The following DACH2 variants were observed in gnomAD, a reference collection of about 807,000 sequenced individuals.
DACH2 encodes dachshund homolog 2.
Under a neutral mutation model 35.8 loss-of-function variants are expected in DACH2, and 17 were observed. The observed-to-expected ratio is 0.48, with a 90% CI of 0.33 to 0.71. DACH2 has a LOEUF of 0.71. Among genes scored for constraint, DACH2 ranks in the 30% least tolerant of loss-of-function variants. The pLI is 0.02. For synonymous variants in DACH2, 195 were observed against 177.3 expected, an observed-to-expected ratio of 1.10 and a Z score of -0.79; for missense variants, 469 against 472.7, an observed-to-expected ratio of 0.99 and a Z score of 0.07.
intron 2 of DACH2, among the ~76,000 whole-genome samples, chrX:86,434,825 C>CA (rs1438026879): frequency 9.0e-6 from 1 of 111,696 alleles, no homozygotes; most frequent in Admixed American, 9.6e-5. Context: ...ATGGTGCTGA[C>CA]ATCTGCTCAG....
chrX:86,599,592 G>A lies in DACH2; in HGVS notation c.641-51444G>A, dbSNP rs746189210. 6.5e-5 allele frequency among the ~76,000 whole-genome samples: 7 copies of A among 107,944 alleles called. No homozygotes were observed. The South Asian group carries it at 2.8e-3, about 44-fold the overall frequency. 93.7% of individuals were successfully genotyped at this position (107,944 alleles called of 115,157 possible). ...GCTCACTGCAAACTTCACCTCCAAA[G>A]TTCAAGCGATTCTCCCACCTCAGCC... On this transcript the variant is annotated intron_variant, in intron 3 of 11. Coordinates refer to ENST00000373125, the MANE Select transcript of DACH2 (RefSeq NM_053281.3).
intron 7 of DACH2, among the ~76,000 whole-genome samples, chrX:86,755,489 C>T (rs1335720175): frequency 9.1e-6 from 1 of 110,243 alleles, no homozygotes; most frequent in Non-Finnish European, 1.9e-5. Context: ...GCCATAAAAT[C>T]GTTGCCTAAA....
Position 86,500,129 on chromosome X carries a change from A to G in DACH2, c.528-14150A>G, listed in dbSNP as rs1602585346. Among the ~76,000 whole-genome samples the G allele has an allele frequency of 4.5e-5, 5 of 111,630 alleles. 1 individual carries two copies. On this transcript the variant is annotated intron_variant, in intron 2 of 11. Coordinates refer to ENST00000373125, the MANE Select transcript of DACH2 (RefSeq NM_053281.3). ...AATTGAGTCTTGATTTTCAGTTTAT[A>G]TACATATACGTGCACTCATACATTT...
chrX:86,247,831 A>G (rs1470591504), intron 1 of DACH2, among the ~76,000 whole-genome samples: 1 of 111,341 alleles, frequency 9.0e-6, no homozygotes, highest in Non-Finnish European at 1.9e-5. Flanking sequence ...CACATCAAAA[A>G]GCAAATCCAT....
chrX:86,196,941 C>T (rs913960937), intron 1 of DACH2, among the ~76,000 whole-genome samples: 2 of 109,701 alleles, frequency 1.8e-5, no homozygotes, highest in Non-Finnish European at 3.8e-5. Flanking sequence ...AGAAGACCAT[C>T]CCGAAGACAC....
At chrX:86,436,693 G>T (rs1277851569) in intron 2 of DACH2, among the ~76,000 whole-genome samples, 1 of 111,189 alleles carries the variant, frequency 9.0e-6, no homozygotes, top group Non-Finnish European at 1.9e-5. Context: ...CTACCTTTAA[G>T]AAAAGATTAT....
At chrX:86,520,183 T>C (rs1228980618) in intron 3 of DACH2, among the ~76,000 whole-genome samples, 1 of 111,809 alleles carries the variant, frequency 8.9e-6, no homozygotes, top group South Asian at 3.7e-4. Context: ...TTCAGGAGCA[T>C]GTTGCTTAAT....
intron 3 of DACH2, among the ~76,000 whole-genome samples, chrX:86,570,246 C>T (rs1422811559): frequency 9.0e-6 from 1 of 111,376 alleles, no homozygotes; most frequent in Non-Finnish European, 1.9e-5. Flanking sequence ...GGTATATACC[C>T]AAAGGAATAT....
chrX:86,332,917 T>C (rs1407951282), intron 1 of DACH2, among the ~76,000 whole-genome samples: 1 of 112,038 alleles, frequency 8.9e-6, no homozygotes, highest in Admixed American at 9.5e-5. Flanking sequence ...TGTGCATGTG[T>C]TATAGTCTGC....
At chrX:86,199,612 G>T (rs1291248412) in intron 1 of DACH2, among the ~76,000 whole-genome samples, 1 of 111,673 alleles carries the variant, frequency 9.0e-6, no homozygotes, top group Non-Finnish European at 1.9e-5. Context: ...CATTCCTACA[G>T]AACAACAGTC....
At chrX:86,332,935 TATC>T (rs2035238709) in intron 1 of DACH2, among the ~76,000 whole-genome samples, 1 of 112,207 alleles carries the variant, frequency 8.9e-6, no homozygotes, top group Non-Finnish European at 1.9e-5. Context: ...TGCTTAATGC[TATC>T]ATTTTAATCA....
intron 3 of DACH2, among the ~76,000 whole-genome samples, chrX:86,550,073 G>A (rs5968943): frequency 0.19 from 21,014 of 110,287 alleles, 1,554 homozygotes; most frequent in East Asian, 0.28. Flanking sequence ...GTAACCCTTG[G>A]AATCTAATGG....
chrX:86,163,407 C>T (rs2030834385), intron 1 of DACH2, among the ~76,000 whole-genome samples: 1 of 110,686 alleles, frequency 9.0e-6, no homozygotes, highest in East Asian at 2.9e-4. Context: ...AATAGTACTC[C>T]GTTGTGTGTA....
chrX:86,446,395 T>A (rs1422154239), intron 2 of DACH2, among the ~76,000 whole-genome samples: 1 of 72,147 alleles, frequency 1.4e-5, no homozygotes, highest in African/African-American at 5.3e-5. Flanking sequence ...CTGCACCCAC[T>A]AACGTGTCAT....
chrX:86,223,632 A>C (rs2032761005), intron 1 of DACH2, among the ~76,000 whole-genome samples: 1 of 111,909 alleles, frequency 8.9e-6, no homozygotes, highest in African/African-American at 3.2e-5. Flanking sequence ...CCTCTTTCTT[A>C]CACCAGAAAA....
chrX:86,485,730 A>G (rs1441939326), intron 2 of DACH2, among the ~76,000 whole-genome samples: 1 of 111,034 alleles, frequency 9.0e-6, no homozygotes. Flanking sequence ...TATAAAAAAA[A>G]CTCTTGATCA....
At chrX:86,217,782 C>A (rs2032612973) in intron 1 of DACH2, among the ~76,000 whole-genome samples, 2 of 111,787 alleles carry the variant, frequency 1.8e-5, no homozygotes, top group Non-Finnish European at 3.8e-5. Flanking sequence ...TCATTAATAA[C>A]ATTGTAGAAG....
chrX:86,624,754 C>G (rs1373536289), intron 3 of DACH2, among the ~76,000 whole-genome samples: 1 of 111,079 alleles, frequency 9.0e-6, no homozygotes, highest in Non-Finnish European at 1.9e-5. Flanking sequence ...TTTATTGGTT[C>G]TGAACATATA....
chrX:86,326,700 C>T (rs2035122168), intron 1 of DACH2, among the ~76,000 whole-genome samples: 1 of 110,744 alleles, frequency 9.0e-6, no homozygotes, highest in African/African-American at 3.3e-5. Flanking sequence ...CCTTGTCCCT[C>T]CTGTGTCCTC....
Sources: gnomAD v4.1 joint callset for allele counts (sites outside exome capture counted in the v4.1 genomes callset) on GRCh38, gnomAD v4.1.1 for gene constraint, MANE v1.5 for transcripts, NCBI Gene and HGNC (gene_info 2026-07-23, HGNC 2026-07-21) for gene names.